Variants in DGKH observed in about 807,000 individuals in gnomAD.
DGKH encodes DAG kinase eta.
A neutral mutation model predicts 159.3 loss-of-function variants in DGKH; 90 were observed. The observed-to-expected ratio is 0.57, with a 90% CI of 0.48 to 0.67. The LOEUF is 0.67. Ranked by LOEUF, DGKH falls within the 30% of genes least tolerant of loss-of-function variation. DGKH has a pLI of 0.00. For synonymous variants in DGKH, 536 were observed against 553.8 expected (o/e 0.97, Z 0.45); for missense variants, 1,181 against 1,506.1 (o/e 0.78, Z 3.57).
downstream of DGKH, among the ~76,000 whole-genome samples, chr13:42,246,075 A>G (rs1381621149): frequency 6.6e-6 from 1 of 152,208 alleles, no homozygotes; most frequent in Non-Finnish European, 1.5e-5. Context: ...TCTAAATACA[A>G]TAGATTTTTC....
At chr13:42,155,476 A>G (rs1262371920) in intron 4 of DGKH, 81 bp downstream of exon 4, 9 of 1,491,428 alleles carry the variant, frequency 6.0e-6, no homozygotes, top group African/African-American at 5.6e-5. Flanking sequence ...CCGTGCAAAC[A>G]TAAGTATGTG....
chr13:42,121,426 A>G (rs1193325622), intron 1 of DGKH, among the ~76,000 whole-genome samples: 12 of 152,336 alleles, frequency 7.9e-5, no homozygotes, highest in East Asian at 1.9e-4. Context: ...AATATTTTCA[A>G]CTTATGATGA....
intron 1 of DGKH, among the ~76,000 whole-genome samples, chr13:42,109,888 C>G (rs529555919): frequency 1.2e-3 from 180 of 152,258 alleles, no homozygotes; most frequent in Non-Finnish European, 1.9e-3. Context: ...GGGTATCAGT[C>G]TGGTCCATCA....
chr13:42,183,917 T>C (rs1412228680), intron 13 of DGKH, among the ~76,000 whole-genome samples: 1 of 152,248 alleles, frequency 6.6e-6, no homozygotes, highest in Non-Finnish European at 1.5e-5. Context: ...ACTTACGCAC[T>C]CTACTCACCC....
At chr13:42,163,815 C>T (rs544782981) in intron 7 of DGKH, among the ~76,000 whole-genome samples, 2,203 of 151,782 alleles carry the variant, frequency 0.015, 52 homozygotes, top group African/African-American at 0.048. Flanking sequence ...TGTAGGTTGC[C>T]TGTTCACTCT....
At chr13:42,053,940 C>T (rs564529418) in intron 1 of DGKH, among the ~76,000 whole-genome samples, 1 of 152,120 alleles carries the variant, frequency 6.6e-6, no homozygotes, top group South Asian at 2.1e-4. Flanking sequence ...ATTTTTAAGC[C>T]CAGTAAGGAT....
At chr13:42,059,856 C>T (rs1415085098) in intron 1 of DGKH, among the ~76,000 whole-genome samples, 3 of 151,120 alleles carry the variant, frequency 2.0e-5, no homozygotes, top group Non-Finnish European at 4.4e-5. Context: ...CACATCTTCT[C>T]ACATCTTCTC....
At position 42,075,291 on chromosome 13, in the gene DGKH, G is replaced by C. The variant is rs77072822; in HGVS notation, c.192+26326G>C. ...ATACATTTAGAATAGTGCTTTTGGG[G>C]CTAGAAGATTGGTGGTGACCATGCT... On this transcript the variant is annotated intron_variant, in intron 1 of 29. Coordinates refer to ENST00000337343, the MANE Select transcript of DGKH (RefSeq NM_178009.5). Among the ~76,000 whole-genome samples, 861 of 152,210 alleles carry C rather than the reference G, an allele frequency of 5.7e-3. 9 individuals carry two copies. Among genetic ancestry groups the C allele is most frequent in the East Asian group, 0.047 (244 of 5,172 alleles).
At chr13:42,063,663 G>C (rs1239457614) in intron 1 of DGKH, among the ~76,000 whole-genome samples, 1 of 152,170 alleles carries the variant, frequency 6.6e-6, no homozygotes, top group Non-Finnish European at 1.5e-5. Flanking sequence ...GGGCTGGCCG[G>C]ATGTGGTGGC....
At chr13:42,076,333 A>G (rs960340580) in intron 1 of DGKH, among the ~76,000 whole-genome samples, 10 of 152,190 alleles carry the variant, frequency 6.6e-5, no homozygotes, top group Non-Finnish European at 8.8e-5. Context: ...AATTCCATGT[A>G]TGCTATATTT....
intron 1 of DGKH, among the ~76,000 whole-genome samples, chr13:42,117,436 G>A (rs922571220): frequency 2.6e-5 from 4 of 152,132 alleles, no homozygotes; most frequent in Admixed American, 6.5e-5. Context: ...TTTATGAGAA[G>A]CGTCTGTTTA....
At chr13:42,148,498 C>A (rs1955793723) in intron 3 of DGKH, among the ~76,000 whole-genome samples, 2 of 152,118 alleles carry the variant, frequency 1.3e-5, no homozygotes, top group African/African-American at 4.8e-5. Context: ...CCTCACTGCA[C>A]CCCTAACTCA....
chr13:42,200,802 G>A (rs1043825213), intron 20 of DGKH, among the ~76,000 whole-genome samples: 4 of 152,084 alleles, frequency 2.6e-5, no homozygotes, highest in African/African-American at 9.7e-5. Flanking sequence ...TGATCAGCTG[G>A]TTTGATTTAT....
At chr13:42,103,631 C>T (rs1302242197) in intron 1 of DGKH, among the ~76,000 whole-genome samples, 1 of 152,184 alleles carries the variant, frequency 6.6e-6, no homozygotes, top group African/African-American at 2.4e-5. Flanking sequence ...CCCCATGGCA[C>T]CTCCACTTAC....
At chr13:42,098,843 C>T (rs17597698) in intron 1 of DGKH, among the ~76,000 whole-genome samples, 16,519 of 152,252 alleles carry the variant, frequency 0.11, 1,175 homozygotes, top group Non-Finnish European at 0.16. Flanking sequence ...TTCCGAATTA[C>T]TCTCAGGTGA....
intron 3 of DGKH, among the ~76,000 whole-genome samples, chr13:42,155,079 T>C (rs1359954545): frequency 6.6e-6 from 1 of 152,198 alleles, no homozygotes. Context: ...AAAAAAGGGC[T>C]AAAGAGCCCA....
intron 1 of DGKH, among the ~76,000 whole-genome samples, chr13:42,103,181 G>A (rs535206236): frequency 3.9e-5 from 6 of 152,254 alleles, no homozygotes; most frequent in Admixed American, 1.3e-4. Context: ...TTTGTGGAGT[G>A]TCATTTTGAA....
At chr13:42,060,557 G>A (rs9532984) in intron 1 of DGKH, among the ~76,000 whole-genome samples, 52,722 of 152,014 alleles carry the variant, frequency 0.35, 11,459 homozygotes, top group Admixed American at 0.57. Flanking sequence ...AAATTGCCTC[G>A]TATAGAAGGG....
chr13:42,209,395 C>G lies in DGKH; in HGVS notation c.2780C>G (p.Ala927Gly). 1 of 1,613,622 alleles carries G rather than the reference C, an allele frequency of 6.2e-7. No individual in the cohort carries two copies. Among genetic ancestry groups the G allele is most frequent in the Non-Finnish European group, 8.5e-7 (1 of 1,179,798 alleles). ...GTCCCAGTGCAAGTGGATGGTGAAG[C>G]GTGGGTTCAGCCTCCAGGGATTATC... ...EGVPVQVDGEAWVQPPGIIKI... is the reference protein window; with the variant it reads ...EGVPVQVDGEGWVQPPGIIKI... The change falls in exon 23 of 30, where the codon GCG becomes GGG. Residue 927 changes from alanine (A) to glycine (G), a missense_variant. Transcript: ENST00000337343.
Sources: allele counts gnomAD v4.1 joint callset (sites outside exome capture counted in the v4.1 genomes callset), GRCh38; gene constraint gnomAD v4.1.1; transcripts MANE v1.5; gene names NCBI Gene and HGNC (gene_info 2026-07-23, HGNC 2026-07-21).